LMO3: variants seen among roughly 807,000 people sequenced by gnomAD.
LMO3 encodes the protein LIM domain only 3.
In LMO3, 2 loss-of-function variants were observed where a neutral mutation model predicts 15.8. That is an observed-to-expected ratio of 0.13 (90% CI 0.05 to 0.40). The LOEUF (loss-of-function observed/expected upper bound fraction) is 0.40, where lower values mean the gene tolerates loss of function less well. Among genes scored for constraint, LMO3 ranks in the 10% least tolerant of loss-of-function variants. The pLI is 0.99. For missense variants in LMO3, 86 were observed against 182.2 expected, an observed-to-expected ratio of 0.47 and a Z score of 3.04; for synonymous variants, 62 against 63.8, an observed-to-expected ratio of 0.97 and a Z score of 0.13.
chr12:16,550,266 T>G lies in LMO3; in HGVS notation c.*956A>C, dbSNP rs1205375306. Reference sequence around the variant, plus strand: ...GAAACCCTCAGCTCTTGTGGAGAGATCTGGGCAGAATTTATACAAGAAGAA... The same window carrying G: ...GAAACCCTCAGCTCTTGTGGAGAGAGCTGGGCAGAATTTATACAAGAAGAA... On this transcript the variant is annotated 3_prime_UTR_variant, in exon 4 of 4. Coordinates refer to ENST00000537304, the MANE Select transcript of LMO3 (RefSeq NM_018640.5). 1 of 152,388 alleles carries G rather than the reference T, an allele frequency of 6.6e-6. No individual in the cohort carries two copies. The highest frequency in any genetic ancestry group is 1.5e-5 in the Non-Finnish European group (1 of 67,906). 9.4% of individuals were successfully genotyped at this position (152,388 alleles called of 1,614,324 possible).
chr12:16,608,166 A>T (rs576567914), upstream of LMO3: 1 of 141,022 alleles, frequency 7.1e-6, no homozygotes, highest in African/African-American at 2.5e-5. The surrounding 1 kb of genome is among the most constrained non-coding windows in gnomAD (Gnocchi z 4.1). Flanking sequence ...GTGTGCATGC[A>T]TGTGTGTGTG....
intron 3 of LMO3, among the ~76,000 whole-genome samples, chr12:16,558,993 T>C (rs1420078102): frequency 1.3e-5 from 2 of 152,150 alleles, no homozygotes; most frequent in African/African-American, 2.4e-5. Flanking sequence ...AGCTAATATA[T>C]GGTGGTGCTG....
chr12:16,557,941 A>T (rs955572802), intron 3 of LMO3, among the ~76,000 whole-genome samples: 1 of 152,066 alleles, frequency 6.6e-6, no homozygotes, highest in Admixed American at 6.5e-5. Flanking sequence ...GTCCATTTTT[A>T]TATTGATAAT....
chr12:16,563,448 A>G (rs927499580), intron 2 of LMO3, among the ~76,000 whole-genome samples: 5 of 152,286 alleles, frequency 3.3e-5, no homozygotes, highest in Admixed American at 1.3e-4. Flanking sequence ...AAGAATTTTC[A>G]TATATGTCAA....
intron 2 of LMO3, among the ~76,000 whole-genome samples, chr12:16,577,869 T>G (rs757848893): frequency 2.6e-5 from 4 of 152,204 alleles, no homozygotes; most frequent in Non-Finnish European, 5.9e-5. Flanking sequence ...TGTCACCTAA[T>G]TATGGCTGCC....
chr12:16,554,497 A>G (rs1340472182), intron 3 of LMO3, among the ~76,000 whole-genome samples: 3 of 152,072 alleles, frequency 2.0e-5, no homozygotes, highest in African/African-American at 7.2e-5. Flanking sequence ...TTCCTCCACT[A>G]TACACCTGTG....
chr12:16,600,444 TTGAAATA>T, intron 2 of LMO3: 1 of 548,422 alleles, frequency 1.8e-6, no homozygotes, highest in Admixed American at 3.3e-5. Context: ...GCAAGCCAAA[TTGAAATA>T]CTTTAAATAT....
At position 16,576,483 on chromosome 12, in the gene LMO3, CCT is replaced by C. The variant is rs1942999699; in HGVS notation, c.207-15947_207-15946del. Among the ~76,000 whole-genome samples, 1 of 152,170 alleles carries C rather than the reference CCT, an allele frequency of 6.6e-6. No individual in the cohort carries two copies. Among genetic ancestry groups the C allele is most frequent in the South Asian group, 2.1e-4 (1 of 4,828 alleles). ...ATCAAATGTCAATGGATCTATGAAG[CCT>C]CTCTGATTTCCTTGAGGCAGAATAA... On this transcript the variant is annotated intron_variant, in intron 2 of 3. Coordinates refer to ENST00000537304, the MANE Select transcript of LMO3 (RefSeq NM_018640.5). The surrounding 1 kb of genome is among the most constrained non-coding windows in gnomAD (Gnocchi z 4.1).
In LMO3 at chr12:16,604,936, C is replaced by T; in HGVS notation, c.-9+1130G>A. 6.3e-7 allele frequency: 1 copy of T among 1,598,366 alleles called. No individual in the cohort carries two copies. The highest frequency in any genetic ancestry group is 8.5e-7 in the Non-Finnish European group (1 of 1,179,784). On this transcript the variant is annotated intron_variant, in intron 1 of 3. Transcript: ENST00000537304. The surrounding 1 kb of genome is among the most constrained non-coding windows in gnomAD (Gnocchi z 5.3). ...AGTTGCAGCAGCTTCGCATTGAGCA[C>T]CAAACCCAAAGGTAGAAGTAGAAGG...
intron 3 of LMO3, among the ~76,000 whole-genome samples, chr12:16,557,986 A>C (rs189427482): frequency 2.0e-5 from 3 of 152,226 alleles, no homozygotes; most frequent in Admixed American, 2.0e-4. Flanking sequence ...ACTTTTGAAG[A>C]TACAACTTAT....
chr12:16,553,767 T>G (rs1050593121), intron 3 of LMO3, among the ~76,000 whole-genome samples: 1 of 151,794 alleles, frequency 6.6e-6, no homozygotes, highest in Non-Finnish European at 1.5e-5. Context: ...GCAATACAGA[T>G]AGTATGTATT....
At chr12:16,573,965 C>G (rs1942911063) in intron 2 of LMO3, 1 of 152,134 alleles carries the variant, frequency 6.6e-6, no homozygotes, top group South Asian at 2.1e-4. Context: ...GAATGTATTA[C>G]GGAACTGGAG....
In LMO3 at chr12:16,560,768, A is replaced by G. The variant is rs1222312849; in HGVS notation, c.207-230T>C. ...GTTTGAGAAGAAAAGGAAAAGACAA[A>G]TACATTAGGAAGCTTACGTAACTGC... On this transcript the variant is annotated intron_variant, in intron 2 of 3. Coordinates refer to ENST00000537304, the MANE Select transcript of LMO3 (RefSeq NM_018640.5). The surrounding 1 kb of genome is among the most constrained non-coding windows in gnomAD (Gnocchi z 5.0). The G allele has an allele frequency of 5.4e-6, 3 of 556,182 alleles. No individual in the cohort carries two copies. Among genetic ancestry groups the G allele is most frequent in the Admixed American group, 5.1e-5 (2 of 39,100 alleles). 34.5% of individuals were successfully genotyped at this position (556,182 alleles called of 1,614,324 possible).
At position 16,568,501 on chromosome 12, in the gene LMO3, GCCACATGTGGCTAAT is replaced by G. The variant is rs1275927707; in HGVS notation, c.207-7978_207-7964del. 1.8e-4 allele frequency among the ~76,000 whole-genome samples: 27 copies of G among 152,292 alleles called. No homozygotes were observed. The East Asian group carries it at 4.6e-3, about 26-fold the overall frequency. ...GTGCTGACCAGCATTTTAGCCACCA[GCCACATGTGGCTAAT>G]GACTACTTGACATGTAGTGAGTCTG... On this transcript the variant is annotated intron_variant, in intron 2 of 3. Transcript: ENST00000537304.
intron 1 of LMO3, chr12:16,605,577 G>A (rs943337042): frequency 4.6e-6 from 3 of 657,076 alleles, no homozygotes; most frequent in Non-Finnish European, 7.5e-6. Flanking sequence ...TTAAGAAGTG[G>A]GGGTTCATGA....
chr12:16,570,270 T>G (rs1055936097), intron 2 of LMO3, among the ~76,000 whole-genome samples: 1 of 152,190 alleles, frequency 6.6e-6, no homozygotes, highest in African/African-American at 2.4e-5. Flanking sequence ...TGAAGTCTTT[T>G]GATATCTTTA....
intron 2 of LMO3, among the ~76,000 whole-genome samples, chr12:16,562,732 G>A (rs182889349): frequency 2.0e-5 from 3 of 152,314 alleles, no homozygotes; most frequent in Admixed American, 2.0e-4. Context: ...CCAGGCCCAG[G>A]AAAATCTATG....
rs1452646141 is a variant in LMO3, at chr12:16,549,976, C to T, written c.*1246G>A. ...TACTTAAAACAATGAGAGAGTAAAA[C>T]ACATCAAACTTAAAGTGTTTACTTT... On this transcript the variant is annotated 3_prime_UTR_variant, in exon 4 of 4. Transcript: ENST00000537304. The T allele has an allele frequency of 1.3e-5, 2 of 152,076 alleles. No homozygotes were observed. The highest frequency in any genetic ancestry group is 3.4e-3 in the Middle Eastern group (1 of 294). 9.4% of individuals were successfully genotyped at this position (152,076 alleles called of 1,614,324 possible).
At chr12:16,595,165 A>G (rs938078021) in intron 2 of LMO3, among the ~76,000 whole-genome samples, 1 of 151,612 alleles carries the variant, frequency 6.6e-6, no homozygotes, top group South Asian at 2.1e-4. Flanking sequence ...AAGATAAAAA[A>G]CTATAAAGAT....
Sources: allele counts gnomAD v4.1 joint callset (sites outside exome capture counted in the v4.1 genomes callset), GRCh38; gene constraint gnomAD v4.1.1; non-coding constraint Gnocchi (gnomAD v3.1); transcripts MANE v1.5; gene names NCBI Gene and HGNC (gene_info 2026-07-23, HGNC 2026-07-21).